The following TUSC3 variants were observed in gnomAD, a reference collection of about 807,000 sequenced individuals.
The protein encoded by TUSC3 is tumor suppressor candidate 3.
Under a neutral mutation model 44.8 loss-of-function variants are expected in TUSC3, and 45 were observed. The observed-to-expected ratio is 1.00, with a 90% confidence interval of 0.79 to 1.29. The LOEUF (loss-of-function observed/expected upper bound fraction) is 1.29. Among genes scored for constraint, TUSC3 ranks in the 50% most tolerant of loss-of-function variants. The pLI, the probability that TUSC3 is intolerant of heterozygous loss-of-function variation, is 0.00. For synonymous variants in TUSC3, 212 were observed against 152.9 expected, an observed-to-expected ratio of 1.39 and a Z score of -2.85; for missense variants, 519 against 437.9, an observed-to-expected ratio of 1.19 and a Z score of -1.65.
At chr8:15,624,122 A>G (rs973725028) in intron 2 of TUSC3, among the ~76,000 whole-genome samples, 1 of 152,240 alleles carries the variant, frequency 6.6e-6, no homozygotes, top group Non-Finnish European at 1.5e-5. Context: ...TTCCCTAAAA[A>G]AATACGTCCA....
chr8:15,446,907 A>AAC (rs935092368), intron 1 of TUSC3, among the ~76,000 whole-genome samples: 5 of 32,754 alleles, frequency 1.5e-4, no homozygotes, highest in Non-Finnish European at 1.9e-4. Flanking sequence ...ACAGAAAAAA[A>AAC]AACAAAGGAG....
chr8:15,620,061 GAAAC>G (rs902493478), intron 1 of TUSC3, among the ~76,000 whole-genome samples: 121 of 152,216 alleles, frequency 7.9e-4, no homozygotes, highest in African/African-American at 2.2e-3. Context: ...GACTGTGTCA[GAAAC>G]AAACAAACAA....
In TUSC3 at chr8:15,663,602, A is replaced by G. The variant is rs903476841; in HGVS notation, c.708+1306A>G. Among the ~76,000 whole-genome samples, 6 of 151,930 alleles carry G rather than the reference A, an allele frequency of 3.9e-5. 1 individual carries two copies. Among genetic ancestry groups the G allele is most frequent in the Non-Finnish European group, 5.9e-5 (4 of 67,894 alleles). On this transcript the variant is annotated intron_variant, in intron 5 of 10. Transcript: ENST00000503731. ...CTCTGTGGCTTTCTAGTACATAGTC[A>G]AAATACAAATTAGATGTTTGGCCTT...
chr8:15,759,344 T>C (rs1304328222), intron 10 of TUSC3, among the ~76,000 whole-genome samples: 1 of 152,064 alleles, frequency 6.6e-6, no homozygotes, highest in Non-Finnish European at 1.5e-5. Flanking sequence ...GGAAGAGCAG[T>C]GCACAAATAT....
At chr8:15,586,179 A>T (rs1803594637) in intron 1 of TUSC3, among the ~76,000 whole-genome samples, 1 of 152,246 alleles carries the variant, frequency 6.6e-6, no homozygotes. Flanking sequence ...GGTCATTTTT[A>T]GTTGGCCAGA....
intron 1 of TUSC3, among the ~76,000 whole-genome samples, chr8:15,572,868 C>T (rs1377215615): frequency 6.6e-6 from 1 of 152,022 alleles, no homozygotes; most frequent in South Asian, 2.1e-4. Flanking sequence ...TTTACGGGCA[C>T]CATTTGTGGT....
the TUSC3 span, among the ~76,000 whole-genome samples, chr8:15,845,153 T>C: frequency 0.03 from 4,597 of 152,236 alleles, 237 homozygotes; most frequent in African/African-American, 0.1. Flanking sequence ...TCATTAACTT[T>C]AGGAGGTGAT....
At chr8:15,610,775 A>G (rs913837949) in intron 1 of TUSC3, among the ~76,000 whole-genome samples, 1 of 152,124 alleles carries the variant, frequency 6.6e-6, no homozygotes, top group Non-Finnish European at 1.5e-5. Context: ...CCATTCATTC[A>G]GTAGAGGTAT....
intron 3 of TUSC3, among the ~76,000 whole-genome samples, chr8:15,654,200 A>C (rs1432232941): frequency 6.6e-6 from 1 of 152,172 alleles, no homozygotes; most frequent in Non-Finnish European, 1.5e-5. Flanking sequence ...GGAGTGAGGA[A>C]GATGGGGACT....
intron 1 of TUSC3, among the ~76,000 whole-genome samples, chr8:15,565,876 CTG>C (rs1472181877): frequency 6.6e-6 from 1 of 152,042 alleles, no homozygotes; most frequent in East Asian, 1.9e-4. Flanking sequence ...GAATTTGGCT[CTG>C]TACTATTATA....
chr8:15,576,288 T>C (rs1237107283), intron 1 of TUSC3, among the ~76,000 whole-genome samples: 1 of 146,506 alleles, frequency 6.8e-6, no homozygotes, highest in Non-Finnish European at 1.5e-5. Flanking sequence ...TGTTTTTTTT[T>C]TTTATTTTTT....
chr8:15,568,862 G>T (rs1182613866), intron 1 of TUSC3, among the ~76,000 whole-genome samples: 2 of 151,990 alleles, frequency 1.3e-5, no homozygotes. Flanking sequence ...GGTACTTGGA[G>T]ATTACATTAT....
chr8:15,631,236 T>G (rs1327775795), intron 2 of TUSC3, among the ~76,000 whole-genome samples: 1 of 152,158 alleles, frequency 6.6e-6, no homozygotes, highest in African/African-American at 2.4e-5. Flanking sequence ...TAGTTTAATT[T>G]TCTTATTTTT....
chr8:15,574,074 G>C (rs1232993629), intron 1 of TUSC3, among the ~76,000 whole-genome samples: 1 of 151,972 alleles, frequency 6.6e-6, no homozygotes, highest in Admixed American at 6.6e-5. Context: ...TATTGTCTTG[G>C]ATGGACCTAA....
chr8:15,742,576 T>C (rs1449239361), intron 7 of TUSC3, among the ~76,000 whole-genome samples: 1 of 152,196 alleles, frequency 6.6e-6, no homozygotes, highest in Non-Finnish European at 1.5e-5. Context: ...CCCAATACTG[T>C]CCTTTGAGCT....
At chr8:15,745,849 C>G (rs916479384) in intron 8 of TUSC3, among the ~76,000 whole-genome samples, 4 of 150,346 alleles carry the variant, frequency 2.7e-5, no homozygotes, top group African/African-American at 9.8e-5. Context: ...AAAAAAAATT[C>G]TTTGCCAAGG....
chr8:15,778,233 T>C, the TUSC3 span, among the ~76,000 whole-genome samples: 2 of 152,188 alleles, frequency 1.3e-5, no homozygotes, highest in African/African-American at 4.8e-5. Context: ...CCTGATTTAC[T>C]ACACTTATTC....
chr8:15,842,817 A>T, the TUSC3 span, among the ~76,000 whole-genome samples: 345 of 152,292 alleles, frequency 2.3e-3, 2 homozygotes, highest in Middle Eastern at 3.4e-3. Context: ...AAACCTGTAC[A>T]TCTCCCCAGG....
At chr8:15,493,939 C>T (rs1481414038) in intron 2 of TUSC3, among the ~76,000 whole-genome samples, 1 of 152,202 alleles carries the variant, frequency 6.6e-6, no homozygotes, top group African/African-American at 2.4e-5. Context: ...GTAACCTCTT[C>T]AGTGACTTCT....
Sources: gnomAD v4.1 joint callset for allele counts (sites outside exome capture counted in the v4.1 genomes callset) on GRCh38, gnomAD v4.1.1 for gene constraint, MANE v1.5 for transcripts, NCBI Gene and HGNC (gene_info 2026-07-23, HGNC 2026-07-21) for gene names.